The following CAMK1 variants were observed in gnomAD, a reference collection of about 807,000 sequenced individuals.
The protein encoded by CAMK1 is calcium/calmodulin dependent protein kinase I, also known as calcium/calmodulin-dependent protein kinase type 1.
In CAMK1, 39 loss-of-function variants were observed where a neutral mutation model predicts 49.1. The observed-to-expected ratio is 0.79, with a 90% CI of 0.62 to 1.04. The LOEUF is 1.04. CAMK1 is among the 50% of genes least tolerant of loss of function. The pLI, the probability that CAMK1 is intolerant of heterozygous loss-of-function variation, is 0.00. For missense variants in CAMK1, 457 were observed against 472.2 expected (o/e 0.97, Z 0.30); for synonymous variants, 192 against 185.2 (o/e 1.04, Z -0.30).
Position 9,765,890 on chromosome 3 carries a change from C to G in CAMK1, c.84G>C (p.Thr28=). The stretch of plus-strand genomic sequence containing the variant: ...CCAGGATCACCTCCGAGAAGGCCCC[C>G]CTATCGGGAGAGGGGATTCACAAGG... ...DIYDFRDVLG[T]GAFSEVILAE... Residue 28 remains threonine (T), a splice_region_variant and synonymous_variant, in exon 3 of 12, where the codon ACG becomes ACC. Transcript: ENST00000256460. 6.2e-7 allele frequency: 1 copy of G among 1,614,168 alleles called. No individual in the cohort carries two copies. Among genetic ancestry groups the G allele is most frequent in the Non-Finnish European group, 8.5e-7 (1 of 1,180,036 alleles).
At position 9,767,525 on chromosome 3, in the gene CAMK1, G is replaced by T. The variant is rs185010329; in HGVS notation, c.83+142C>A. On this transcript the variant is annotated intron_variant, in intron 2 of 11. Transcript: ENST00000256460. ...ACCCACTGTCATCCAGAAGTGAAAA[G>T]CTGGGGACAGTTTAGGCCCTAGATA... 2.5e-4 allele frequency: 247 copies of T among 1,002,004 alleles called. 1 individual carries two copies. In the African/African-American group the frequency reaches 3.6e-3, roughly 15 times the overall value. The allele number at this position is 1,002,004 out of a possible 1,614,324, so 62.1% of individuals were successfully genotyped here.
intron 1 of CAMK1, among the ~76,000 whole-genome samples, chr3:9,768,189 G>A (rs1575267158): frequency 6.6e-6 from 1 of 152,310 alleles, no homozygotes; most frequent in South Asian, 2.1e-4. Context: ...CCTGGGGATT[G>A]CTGGGGTGTC....
chr3:9,761,019 C>T (rs2077838878), intron 7 of CAMK1: 2 of 481,648 alleles, frequency 4.2e-6, no homozygotes, highest in South Asian at 4.7e-5. Flanking sequence ...TCTTTCCCCA[C>T]ACCTCCAATG....
intron 10 of CAMK1, 198 bp from the exon 11 acceptor site, chr3:9,758,044 G>A: frequency 1.4e-6 from 1 of 717,714 alleles, no homozygotes; most frequent in East Asian, 2.9e-5. Flanking sequence ...ACATATGTTA[G>A]ATGTATGTGT....
intron 8 of CAMK1, chr3:9,760,393 G>T (rs1226846141): frequency 2.5e-6 from 1 of 397,544 alleles, no homozygotes; most frequent in African/African-American, 2.0e-5. Context: ...TAGACATTAG[G>T]GTGTCAATAG....
chr3:9,763,993 A>AT (rs1205556010), intron 3 of CAMK1, among the ~76,000 whole-genome samples: 3 of 152,002 alleles, frequency 2.0e-5, no homozygotes, highest in East Asian at 1.9e-4. Context: ...TCTCAAAAAA[A>AT]ATATATATAT....
intron 10 of CAMK1, chr3:9,758,899 G>T: frequency 2.6e-6 from 1 of 386,320 alleles, no homozygotes; most frequent in South Asian, 2.2e-5. Flanking sequence ...CAAAGTGCTG[G>T]GATTACAGGC....
In CAMK1 at chr3:9,757,356, C is replaced by T; in HGVS notation, c.*183G>A. 1 of 1,614,060 alleles carries T rather than the reference C, an allele frequency of 6.2e-7. No individual in the cohort carries two copies. Among genetic ancestry groups the T allele is most frequent in the South Asian group, 1.1e-5 (1 of 91,086 alleles). Reference sequence around the variant, plus strand: ...GAGACAGCGCTAAGGATGGTTTTATCTTCCCTTTATTACAAGAAGGAACAA... The same window carrying T: ...GAGACAGCGCTAAGGATGGTTTTATTTTCCCTTTATTACAAGAAGGAACAA... On this transcript the variant is annotated 3_prime_UTR_variant, in exon 12 of 12. Coordinates refer to ENST00000256460, the MANE Select transcript of CAMK1 (RefSeq NM_003656.5). The surrounding 1 kb of genome is among the most constrained non-coding windows in gnomAD (Gnocchi z 4.5).
intron 10 of CAMK1, chr3:9,759,155 C>T: frequency 6.6e-7 from 1 of 1,520,482 alleles, no homozygotes; most frequent in Non-Finnish European, 9.1e-7. Context: ...CATTATTCCG[C>T]TATGCCTCAC....
chr3:9,762,426 G>C (rs2077926273), intron 5 of CAMK1: 2 of 155,832 alleles, frequency 1.3e-5, no homozygotes, highest in Admixed American at 1.3e-4. Flanking sequence ...GCCCAGGCTG[G>C]CGTGCAATGG....
chr3:9,761,382 G>T, intron 7 of CAMK1, 79 bp downstream of exon 7: 1 of 1,436,470 alleles, frequency 7.0e-7, no homozygotes, highest in Non-Finnish European at 9.5e-7. Context: ...GGCAGAGGGA[G>T]AGCAGAGGAA....
intron 8 of CAMK1, 73 bp downstream of exon 8, chr3:9,760,583 G>T (rs947368957): frequency 2.1e-5 from 31 of 1,512,148 alleles, no homozygotes; most frequent in Non-Finnish European, 2.8e-5. Context: ...AGGCAGGAGG[G>T]AGACCGCCCC....
chr3:9,760,589 G>A (rs1044423442), intron 8 of CAMK1, 67 bp downstream of exon 8: 180 of 1,517,878 alleles, frequency 1.2e-4, no homozygotes, highest in Non-Finnish European at 1.5e-4. Flanking sequence ...GAGGGAGACC[G>A]CCCCCAAAGC....
At chr3:9,768,547 T>G (rs1173716069) in intron 1 of CAMK1, among the ~76,000 whole-genome samples, 1 of 152,144 alleles carries the variant, frequency 6.6e-6, no homozygotes, top group Non-Finnish European at 1.5e-5. Flanking sequence ...TGGAGTTAGG[T>G]AGAGGCTGGC....
At chr3:9,759,879 C>T (rs2077766486) in intron 8 of CAMK1, 129 bp from the exon 9 acceptor site, 5 of 1,483,668 alleles carry the variant, frequency 3.4e-6, no homozygotes, top group South Asian at 1.2e-5. Context: ...CCATGCCCCA[C>T]CCCACCCAAC....
intron 2 of CAMK1, chr3:9,766,425 A>C (rs557267204): frequency 4.3e-6 from 2 of 464,558 alleles, no homozygotes; most frequent in Non-Finnish European, 8.0e-6. Context: ...AACCATCAGC[A>C]TCACCCGGGA....
rs1188999675 is a variant in CAMK1 at position 9,761,744 on chromosome 3, A to G, written c.443T>C (p.Leu148Pro). ...GGAGTCTTCATCCAGGCTGTAGTAC[A>G]GCAGATTCTCTGGCTTGAAGGGCAG... The part of the protein sequence containing the change: ...VHRDLKPENL[L>P]YYSLDEDSKI... Residue 148 changes from leucine to proline, a missense_variant, in exon 6 of 12, where the codon CTG becomes CCG. Coordinates refer to ENST00000256460, the MANE Select transcript of CAMK1 (RefSeq NM_003656.5). The G allele has an allele frequency of 1.9e-6, 3 of 1,614,078 alleles. No individual in the cohort carries two copies. The highest frequency in any genetic ancestry group is 2.5e-6 in the Non-Finnish European group (3 of 1,179,972).
intron 2 of CAMK1, 26 bp downstream of exon 2, chr3:9,767,641 A>G: frequency 1.2e-6 from 2 of 1,613,556 alleles, no homozygotes; most frequent in Non-Finnish European, 1.7e-6. Flanking sequence ...TCAGCCATCC[A>G]GCACCCAATC....
rs762008030 is a variant in CAMK1 at position 9,760,740 on chromosome 3, C to T, written c.661G>A (p.Glu221Lys). ...LLCGYPPFYDENDAKLFEQIL... is the reference protein window; with the variant it reads ...LLCGYPPFYDKNDAKLFEQIL... ...TGTTCAAAGAGTTTGGCATCATTCT[C>T]GTCATAGAAGGGAGGGTAACCGCAG... is the stretch of plus-strand genomic sequence containing the variant. Residue 221 changes from glutamate (E) to lysine (K), a missense_variant, in exon 8 of 12, where the codon GAG becomes AAG. Transcript: ENST00000256460. 7 of 1,613,926 alleles carry T rather than the reference C, an allele frequency of 4.3e-6. No homozygotes were observed. Among genetic ancestry groups the T allele is most frequent in the East Asian group, 2.2e-5 (1 of 44,858 alleles).
Sources: gnomAD v4.1 joint callset for allele counts (sites outside exome capture counted in the v4.1 genomes callset) on GRCh38, gnomAD v4.1.1 for gene constraint, Gnocchi (gnomAD v3.1) non-coding constraint, MANE v1.5 for transcripts, NCBI Gene and HGNC (gene_info 2026-07-23, HGNC 2026-07-21) for gene names.